KCNMB3: variants seen among roughly 807,000 people sequenced by gnomAD.
KCNMB3 encodes the protein potassium calcium-activated channel subfamily M regulatory beta subunit 3, also known as calcium-activated potassium channel subunit beta-3.
Under a neutral mutation model 11.9 loss-of-function variants are expected in KCNMB3, and 18 were observed. The observed-to-expected ratio is 1.51, with a 90% CI of 1.04 to 2.23. The LOEUF (loss-of-function observed/expected upper bound fraction) is 2.23, where lower values mean the gene tolerates loss of function less well. KCNMB3 is among the 30% of genes most tolerant of loss of function. The pLI is 0.00. For synonymous variants in KCNMB3, 78 were observed against 119.2 expected (o/e 0.65, Z 2.25); for missense variants, 247 against 329.4 (o/e 0.75, Z 1.94).
chr3:179,247,606 A>G (rs935136709), intron 1 of KCNMB3, among the ~76,000 whole-genome samples: 3 of 152,196 alleles, frequency 2.0e-5, no homozygotes, highest in Non-Finnish European at 4.4e-5. Context: ...GTTTCCTAGC[A>G]GCCAAAGCAA....
intron 1 of KCNMB3, among the ~76,000 whole-genome samples, chr3:179,257,826 A>C (rs1423352216): frequency 6.6e-6 from 1 of 151,924 alleles, no homozygotes; most frequent in Non-Finnish European, 1.5e-5. Flanking sequence ...GATCCTCCAA[A>C]CTTGGCTTCC....
At chr3:179,259,155 A>G (rs1043899158) in intron 1 of KCNMB3, 1 of 1,567,454 alleles carries the variant, frequency 6.4e-7, no homozygotes, top group African/African-American at 1.4e-5. Flanking sequence ...ATTGCTGTCT[A>G]AAGCTTTCCT....
intron 1 of KCNMB3, chr3:179,258,803 T>A (rs56400023): frequency 0.5 from 658,420 of 1,309,228 alleles, 173,265 homozygotes; most frequent in East Asian, 0.87. Flanking sequence ...GAATGTACAC[T>A]GATAACAAAT....
intron 1 of KCNMB3, among the ~76,000 whole-genome samples, chr3:179,257,002 A>G (rs1465013408): frequency 6.6e-6 from 1 of 152,152 alleles, no homozygotes; most frequent in African/African-American, 2.4e-5. Context: ...TCTCTACACA[A>G]TAAAAATTAA....
intron 1 of KCNMB3, chr3:179,260,302 G>C: frequency 6.2e-7 from 1 of 1,614,060 alleles, no homozygotes; most frequent in Non-Finnish European, 8.5e-7. Flanking sequence ...TTTTCAGGGA[G>C]AGAAGCGCTC....
At position 179,260,484 on chromosome 3, in the gene KCNMB3, T is replaced by C. The variant is rs1726170470; in HGVS notation, c.62+6165A>G. 2.5e-6 allele frequency: 4 copies of C among 1,610,172 alleles called. No homozygotes were observed. In the African/African-American group the frequency reaches 4.0e-5, roughly 16 times the overall value. On this transcript the variant is annotated intron_variant, in intron 1 of 3. Coordinates refer to the KCNMB3 transcript ENST00000349697. ...CTCTGTGTGTTGTTCTTTCTCAGTATTGTGCAAGATTTCTCTTTTCCCCAC... is the reference window on the plus strand; with the variant it reads ...CTCTGTGTGTTGTTCTTTCTCAGTACTGTGCAAGATTTCTCTTTTCCCCAC...
In KCNMB3 at chr3:179,242,927, T is replaced by C. The variant is rs756021860; in HGVS notation, c.805A>G (p.Lys269Glu). The change falls in exon 3 of 3, where the codon AAA becomes GAA. Residue 269 changes from lysine to glutamate, a missense_variant. Transcript: ENST00000392685. Reference protein sequence around the residue: ...QFKLCIMRRSKGRAEKS With the variant: ...QFKLCIMRRSEGRAEKS ...TCTTAAGATTTCTCTGCTCTTCCTT[T>C]GCTCCTCCTCATAATGCACAGTTTG... 1.2e-6 allele frequency: 2 copies of C among 1,605,954 alleles called. No homozygotes were observed. The highest frequency in any genetic ancestry group is 1.7e-6 in the Non-Finnish European group (2 of 1,176,186).
chr3:179,247,316 A>G (rs547020939), intron 1 of KCNMB3, among the ~76,000 whole-genome samples: 13 of 151,850 alleles, frequency 8.6e-5, no homozygotes, highest in African/African-American at 3.1e-4. Flanking sequence ...CAAACATTCA[A>G]TCAAATTACA....
chr3:179,249,891 G>C lies in KCNMB3; in HGVS notation c.248+852C>G, dbSNP rs545994255. 8.5e-5 allele frequency among the ~76,000 whole-genome samples: 13 copies of C among 152,274 alleles called. No homozygotes were observed. In the East Asian group the frequency reaches 1.4e-3, roughly 16 times the overall value. ...ACACTGGGGCCTCTCAGTGGAGTAGGGGGAGGGAGAGCATCAGGAAGAATA... is the reference window on the plus strand; with the variant it reads ...ACACTGGGGCCTCTCAGTGGAGTAGCGGGAGGGAGAGCATCAGGAAGAATA... On this transcript the variant is annotated intron_variant, in intron 1 of 2. Transcript: ENST00000392685.
upstream of KCNMB3, among the ~76,000 whole-genome samples, chr3:179,255,454 G>A (rs961865940): frequency 9.9e-5 from 15 of 151,970 alleles, no homozygotes; most frequent in Non-Finnish European, 4.4e-5. Context: ...TTAATGAACA[G>A]ACATAACACT....
upstream of KCNMB3, among the ~76,000 whole-genome samples, chr3:179,252,465 C>T (rs533519463): frequency 2.0e-5 from 3 of 152,146 alleles, no homozygotes; most frequent in Non-Finnish European, 4.4e-5. Flanking sequence ...CCTTCCCCTT[C>T]CCTCTCCCTA....
chr3:179,255,878 A>G (rs1027939821), upstream of KCNMB3, among the ~76,000 whole-genome samples: 2 of 152,256 alleles, frequency 1.3e-5, no homozygotes, highest in Admixed American at 6.5e-5. Flanking sequence ...CTGTAACAAG[A>G]CTAGAAGCCA....
Position 179,250,946 on chromosome 3 carries a change from G to A in KCNMB3, c.45C>T (p.Pro15=). 1 of 1,614,162 alleles carries A rather than the reference G, an allele frequency of 6.2e-7. No homozygotes were observed. The highest frequency in any genetic ancestry group is 8.5e-7 in the Non-Finnish European group (1 of 1,180,030). ...CAGGAAAGGCTGTCCTTTGGGGAAA[G>A]GGAGAAGGAGATACTGCAGTGAGCT... is the stretch of plus-strand genomic sequence containing the variant. ...LYELTAVSPS[P]FPQRTAFPAS... Residue 15 remains proline, a synonymous_variant, in exon 1 of 3, where the codon CCC becomes CCT. Transcript: ENST00000392685.
chr3:179,239,881 C>T (rs1725405986), downstream of KCNMB3: 1 of 626,846 alleles, frequency 1.6e-6, no homozygotes, highest in African/African-American at 1.9e-5. Context: ...GCATTTGACA[C>T]AGCAAGATGC....
chr3:179,248,414 A>G (rs28697961), intron 1 of KCNMB3, among the ~76,000 whole-genome samples: 15,282 of 152,186 alleles, frequency 0.1, 1,195 homozygotes, highest in African/African-American at 0.21. Context: ...AAATTTGCAT[A>G]TAACTTTTGA....
intron 1 of KCNMB3, chr3:179,259,379 C>T (rs1337521480): frequency 1.3e-5 from 21 of 1,577,534 alleles, no homozygotes; most frequent in Middle Eastern, 1.7e-4. Context: ...CACCAGCCCT[C>T]GGGCCTGATG....
At chr3:179,258,250 A>G (rs1287994811) in intron 1 of KCNMB3, among the ~76,000 whole-genome samples, 1 of 152,234 alleles carries the variant, frequency 6.6e-6, no homozygotes, top group Admixed American at 6.5e-5. Context: ...TTTGACATGT[A>G]TCACTTCCAG....
chr3:179,259,807 C>G, intron 1 of KCNMB3: 1 of 1,604,268 alleles, frequency 6.2e-7, no homozygotes, highest in Non-Finnish European at 8.5e-7. Context: ...TCTTTCATAT[C>G]TGAGGGTTCA....
rs144655571 is a variant in KCNMB3, at chr3:179,265,025, C to G, written c.62+1624G>C. Among the ~76,000 whole-genome samples, 197 of 152,272 alleles carry G rather than the reference C, an allele frequency of 1.3e-3. 2 individuals carry two copies. Among genetic ancestry groups the G allele is most frequent in the Middle Eastern group, 3.4e-3 (1 of 294 alleles). ...GCATTTCAGAAATGAAAATGGGATA[C>G]AGTAGTTTGCTTTGATGACAACACA... is the stretch of plus-strand genomic sequence containing the variant. On this transcript the variant is annotated intron_variant, in intron 1 of 3. Transcript: ENST00000349697.
Sources: gnomAD v4.1 joint callset for allele counts (sites outside exome capture counted in the v4.1 genomes callset) on GRCh38, gnomAD v4.1.1 for gene constraint, MANE v1.5 for transcripts, NCBI Gene and HGNC (gene_info 2026-07-23, HGNC 2026-07-21) for gene names.